Variants in ZFP64 observed in about 807,000 individuals in gnomAD.
ZFP64 encodes zinc finger protein 64.
Under a neutral mutation model 51.6 loss-of-function variants are expected in ZFP64, and 14 were observed. The ratio of observed to expected loss-of-function variants is 0.27; its 90% CI spans 0.18 to 0.42. The LOEUF (loss-of-function observed/expected upper bound fraction) is 0.42, where lower values mean the gene tolerates loss of function less well. Among genes scored for constraint, ZFP64 ranks in the 10% least tolerant of loss-of-function variants. ZFP64 has a pLI of 1.00. For synonymous variants in ZFP64, 375 were observed against 361.4 expected, an observed-to-expected ratio of 1.04 and a Z score of -0.43; for missense variants, 754 against 906.8, an observed-to-expected ratio of 0.83 and a Z score of 2.16.
intron 3 of ZFP64, chr20:52,165,574 T>C: frequency 1.7e-6 from 1 of 587,862 alleles, no homozygotes; most frequent in Non-Finnish European, 3.2e-6. Context: ...TCTTACTGGA[T>C]ATCTTCCTAA....
chr20:52,148,463 G>A (rs1980628207), downstream of ZFP64, among the ~76,000 whole-genome samples: 1 of 152,202 alleles, frequency 6.6e-6, no homozygotes, highest in African/African-American at 2.4e-5. Flanking sequence ...CACTCTGAAA[G>A]GCCGAGGTGG....
At position 52,191,554 on chromosome 20, in the gene ZFP64, G is replaced by A. The variant is rs370638748; in HGVS notation, c.46+37C>T. 124 of 1,541,676 alleles carry A rather than the reference G, an allele frequency of 8.0e-5. 1 individual carries two copies. The South Asian group carries it at 1.3e-3, about 16-fold the overall frequency. On this transcript the variant is annotated intron_variant, in intron 1 of 5. Transcript: ENST00000216923. The surrounding 1 kb of genome is among the most constrained non-coding windows in gnomAD (Gnocchi z 4.3). ...GCCCGGGCCCCGGAGCGCGCACTGG[G>A]CCCCGGAGCGCGCACTGCTCCCGGA... is the stretch of plus-strand genomic sequence containing the variant.
exon 9 of ZFP64, chr20:52,084,277 G>A (rs2078840522): frequency 4.5e-6 from 2 of 445,068 alleles, no homozygotes; most frequent in South Asian, 8.3e-5. Flanking sequence ...ATCCCCATTG[G>A]ATAGAGCAGG....
chr20:52,110,858 C>A, intron 5 of ZFP64: 1 of 1,609,886 alleles, frequency 6.2e-7, no homozygotes, highest in Non-Finnish European at 8.5e-7. Context: ...TCTGAGATCC[C>A]CACCTCTGCC....
intron 2 of ZFP64, among the ~76,000 whole-genome samples, chr20:52,182,637 T>C (rs1983692492): frequency 6.6e-6 from 1 of 152,144 alleles, no homozygotes; most frequent in African/African-American, 2.4e-5. Flanking sequence ...GAGGATTGCT[T>C]GAGCACAGAA....
chr20:52,181,968 C>T (rs1431305927), intron 2 of ZFP64, among the ~76,000 whole-genome samples: 4 of 152,196 alleles, frequency 2.6e-5, no homozygotes, highest in Non-Finnish European at 5.9e-5. Context: ...GGAGGAGCAG[C>T]TGAGTCAGAC....
At position 52,151,385 on chromosome 20, in the gene ZFP64, G is replaced by T. The variant is rs1412492806; in HGVS notation, c.*761C>A. The T allele has an allele frequency of 1.6e-5, 16 of 985,090 alleles. No individual in the cohort carries two copies. Among genetic ancestry groups the T allele is most frequent in the Non-Finnish European group, 1.8e-5 (15 of 829,920 alleles). 61.0% of individuals were successfully genotyped at this position (985,090 alleles called of 1,614,324 possible). ...ATCCATGTCATATTATGTAGAAAAT[G>T]GTCCTTCATGCCAACAGACTTACAT... On this transcript the variant is annotated 3_prime_UTR_variant, in exon 6 of 6. Transcript: ENST00000216923.
chr20:52,141,638 G>C (rs150758782), intron 5 of ZFP64, among the ~76,000 whole-genome samples: 1 of 152,276 alleles, frequency 6.6e-6, no homozygotes, highest in East Asian at 1.9e-4. Flanking sequence ...GAATGGATGA[G>C]GAATTTCTTC....
chr20:52,162,864 G>A (rs1198453055), intron 4 of ZFP64, among the ~76,000 whole-genome samples: 1 of 152,106 alleles, frequency 6.6e-6, no homozygotes, highest in African/African-American at 2.4e-5. Context: ...AACTCCAGGG[G>A]TAATTAAGCA....
At chr20:52,172,994 T>A (rs1600801261) in intron 2 of ZFP64, among the ~76,000 whole-genome samples, 2 of 152,208 alleles carry the variant, frequency 1.3e-5, no homozygotes, top group Non-Finnish European at 2.9e-5. Flanking sequence ...TTAAAATGTA[T>A]GACTGTTATA....
chr20:52,104,047 G>A (rs550004648), intron 5 of ZFP64, among the ~76,000 whole-genome samples: 2 of 152,194 alleles, frequency 1.3e-5, no homozygotes, highest in Non-Finnish European at 2.9e-5. Context: ...CGGAAAGAGC[G>A]GGGGAGAAGA....
chr20:52,140,681 G>C (rs1278842993), intron 5 of ZFP64, among the ~76,000 whole-genome samples: 2 of 152,194 alleles, frequency 1.3e-5, no homozygotes, highest in Non-Finnish European at 2.9e-5. Flanking sequence ...TGAAGCAGCA[G>C]GTGCTGATGT....
chr20:52,100,725 A>C (rs1346554994), intron 5 of ZFP64, among the ~76,000 whole-genome samples: 1 of 152,228 alleles, frequency 6.6e-6, no homozygotes, highest in South Asian at 2.1e-4. Context: ...TTTTAGGCAG[A>C]GGGTTTGCTC....
intron 6 of ZFP64, among the ~76,000 whole-genome samples, chr20:52,098,172 CA>C (rs34173401): frequency 0.02 from 2,489 of 124,010 alleles, 46 homozygotes; most frequent in African/African-American, 0.054. Flanking sequence ...AAACTGTCTC[CA>C]AAAAAAAAAA....
intron 4 of ZFP64, among the ~76,000 whole-genome samples, chr20:52,163,994 T>G (rs1982037417): frequency 6.6e-6 from 1 of 152,326 alleles, no homozygotes; most frequent in Middle Eastern, 3.4e-3. Context: ...CTGTATTCAG[T>G]GATATAACAT....
rs771569590 is a variant in ZFP64 at position 52,128,967 on chromosome 20, G to T, written c.764-30380C>A. Among the ~76,000 whole-genome samples, 6 of 152,104 alleles carry T rather than the reference G, an allele frequency of 3.9e-5. No homozygotes were observed. In the South Asian group the frequency reaches 1.0e-3, roughly 26 times the overall value. On this transcript the variant is annotated intron_variant, in intron 5 of 8. Transcript: ENST00000361387. The stretch of plus-strand genomic sequence containing the variant: ...CTCATTCTGTCACCCAGGCTGGAGT[G>T]CAGTGGCACGATCTGGGCTCACTGC...
chr20:52,125,970 G>A lies in ZFP64; in HGVS notation c.764-27383C>T, dbSNP rs1056775989. Among the ~76,000 whole-genome samples the A allele has an allele frequency of 3.5e-4, 53 of 151,906 alleles. 1 individual carries two copies. Among genetic ancestry groups the A allele is most frequent in the Admixed American group, 3.4e-3 (52 of 15,256 alleles). Reference sequence around the variant, plus strand: ...CATCTTGGCTCACTGCAACCTCCGCGCCCTGGGTTCAAGTGATTCTCCTGT... The same window carrying A: ...CATCTTGGCTCACTGCAACCTCCGCACCCTGGGTTCAAGTGATTCTCCTGT... On this transcript the variant is annotated intron_variant, in intron 5 of 8. Coordinates refer to the ZFP64 transcript ENST00000361387.
At chr20:52,104,900 T>G in intron 5 of ZFP64, 3 of 667,658 alleles carry the variant, frequency 4.5e-6, no homozygotes, top group Non-Finnish European at 2.7e-6. Context: ...GACTAGCTCT[T>G]GAGAGGAGTG....
chr20:52,173,803 C>A (rs1982950311), intron 2 of ZFP64, among the ~76,000 whole-genome samples: 1 of 152,028 alleles, frequency 6.6e-6, no homozygotes, highest in Non-Finnish European at 1.5e-5. Context: ...TGTGCGCCAC[C>A]ATGCCTGGCT....
Sources: gnomAD v4.1 joint callset for allele counts (sites outside exome capture counted in the v4.1 genomes callset) on GRCh38, gnomAD v4.1.1 for gene constraint, Gnocchi (gnomAD v3.1) non-coding constraint, MANE v1.5 for transcripts, NCBI Gene and HGNC (gene_info 2026-07-23, HGNC 2026-07-21) for gene names.